SNTB1: variants seen among roughly 807,000 people sequenced by gnomAD.
SNTB1 encodes the protein syntrophin beta 1.
SNTB1 carries 36 observed loss-of-function variants against 48.9 expected under a neutral mutation model. The ratio of observed to expected loss-of-function variants is 0.74; its 90% CI spans 0.56 to 0.97. The LOEUF (loss-of-function observed/expected upper bound fraction) is 0.97. SNTB1 is among the 50% of genes least tolerant of loss of function. The probability of loss-of-function intolerance (pLI) is 0.00; values close to 1 mark genes in which losing one functional copy is unlikely to be tolerated. For missense variants in SNTB1, 786 were observed against 703.4 expected (o/e 1.12, Z -1.33); for synonymous variants, 299 against 294.6 (o/e 1.01, Z -0.15).
intron 2 of SNTB1, among the ~76,000 whole-genome samples, chr8:120,633,423 T>C (rs1316205144): frequency 6.6e-6 from 1 of 152,006 alleles, no homozygotes; most frequent in African/African-American, 2.4e-5. Flanking sequence ...CTAGCCAACA[T>C]GGTGAAACCC....
chr8:120,751,337 G>A (rs1483019393), intron 1 of SNTB1, among the ~76,000 whole-genome samples: 1 of 152,174 alleles, frequency 6.6e-6, no homozygotes, highest in East Asian at 1.9e-4. Flanking sequence ...TTTCTGACAC[G>A]ACAACTGGGT....
intron 4 of SNTB1, among the ~76,000 whole-genome samples, chr8:120,572,714 C>T (rs1398833754): frequency 6.6e-6 from 1 of 151,670 alleles, no homozygotes; most frequent in Non-Finnish European, 1.5e-5. Context: ...CATGGTGAAA[C>T]CCTGTCTCTA....
intron 1 of SNTB1, among the ~76,000 whole-genome samples, chr8:120,810,413 T>C (rs562836410): frequency 1.3e-5 from 2 of 152,262 alleles, no homozygotes; most frequent in South Asian, 2.1e-4. Context: ...CATTCAACAA[T>C]GAGGGGACTG....
chr8:120,644,193 C>G (rs533310231), intron 2 of SNTB1, among the ~76,000 whole-genome samples: 75 of 150,728 alleles, frequency 5.0e-4, no homozygotes, highest in Middle Eastern at 3.5e-3. Context: ...TTAAGTTTTA[C>G]GGTACATGTG....
At chr8:120,671,846 T>C (rs1458929184) in intron 2 of SNTB1, among the ~76,000 whole-genome samples, 1 of 152,218 alleles carries the variant, frequency 6.6e-6, no homozygotes, top group Non-Finnish European at 1.5e-5. Flanking sequence ...GTGGCCTGGA[T>C]GTAGGACTTA....
rs549338093 is a variant in SNTB1 at position 120,563,664 on chromosome 8, C to T, written c.1136+11422G>A. ...AGCAAAGAAATGCATCAACTATGAA[C>T]TCTTTGAGGGCATAACTTGATTTAG... On this transcript the variant is annotated intron_variant, in intron 4 of 6. Transcript: ENST00000517992. 3.7e-4 allele frequency among the ~76,000 whole-genome samples: 57 copies of T among 152,132 alleles called. 2 individuals are homozygous for T. Among genetic ancestry groups the T allele is most frequent in the Non-Finnish European group, 4.4e-5 (3 of 68,026 alleles).
chr8:120,688,014 G>T (rs11995748), intron 2 of SNTB1, among the ~76,000 whole-genome samples: 5 of 152,056 alleles, frequency 3.3e-5, no homozygotes, highest in African/African-American at 1.2e-4. Context: ...CTTAACAGAT[G>T]GCACCTCTCT....
At chr8:120,597,463 A>G (rs1481088685) in intron 3 of SNTB1, among the ~76,000 whole-genome samples, 3 of 152,362 alleles carry the variant, frequency 2.0e-5, no homozygotes, top group Non-Finnish European at 1.5e-5. Flanking sequence ...TGTGATTTGC[A>G]CACTCTTGTT....
chr8:120,592,227 G>A (rs1400369512), intron 3 of SNTB1, among the ~76,000 whole-genome samples: 1 of 152,086 alleles, frequency 6.6e-6, no homozygotes, highest in Admixed American at 6.6e-5. Flanking sequence ...TGTCACCCAG[G>A]CTGGAGTGCA....
intron 3 of SNTB1, among the ~76,000 whole-genome samples, chr8:120,580,422 T>C (rs1272801687): frequency 1.3e-5 from 2 of 152,202 alleles, no homozygotes; most frequent in East Asian, 3.9e-4. Flanking sequence ...CACGTGTCTT[T>C]GAGGATCAAA....
At chr8:120,636,799 A>T (rs569512118) in intron 2 of SNTB1, 1 of 159,260 alleles carries the variant, frequency 6.3e-6, no homozygotes, top group East Asian at 1.9e-4. Context: ...CTAGTTCTAG[A>T]TCCCTGAGGA....
intron 1 of SNTB1, among the ~76,000 whole-genome samples, chr8:120,784,180 G>A (rs190907543): frequency 0.037 from 5,586 of 152,114 alleles, 141 homozygotes; most frequent in South Asian, 0.093. Flanking sequence ...TTTTAGTAGA[G>A]ACAGGGTTTC....
At chr8:120,674,532 A>G (rs1817804957) in intron 2 of SNTB1, among the ~76,000 whole-genome samples, 1 of 152,270 alleles carries the variant, frequency 6.6e-6, no homozygotes, top group African/African-American at 2.4e-5. Context: ...AGCTCATAGC[A>G]CACAGTTGCT....
At position 120,632,663 on chromosome 8, in the gene SNTB1, C is replaced by G; in HGVS notation, c.789-12G>C. ...GGATTTCAAGCTGCCTAGAGGAGCA[C>G]AGAGAGAAGGGTTAGAAAGTTTCCT... On this transcript the variant is annotated splice_polypyrimidine_tract_variant and intron_variant, in intron 2 of 6. Coordinates refer to ENST00000517992, the MANE Select transcript of SNTB1 (RefSeq NM_021021.4). 6.2e-7 allele frequency: 1 copy of G among 1,613,240 alleles called. No homozygotes were observed. Among genetic ancestry groups the G allele is most frequent in the Non-Finnish European group, 8.5e-7 (1 of 1,179,368 alleles).
At chr8:120,559,124 A>G (rs1260240637) in intron 4 of SNTB1, among the ~76,000 whole-genome samples, 2 of 152,232 alleles carry the variant, frequency 1.3e-5, no homozygotes. Context: ...TGTCCACTAC[A>G]TGCTAATTTC....
intron 1 of SNTB1, 130 bp from the exon 2 acceptor site, chr8:120,694,038 A>T (rs1818170886): frequency 1.4e-6 from 1 of 725,008 alleles, no homozygotes; most frequent in African/African-American, 1.8e-5. Context: ...TCTCAACGAG[A>T]TTTTGAATTT....
chr8:120,609,299 T>C (rs990349060), intron 3 of SNTB1, among the ~76,000 whole-genome samples: 2 of 152,226 alleles, frequency 1.3e-5, no homozygotes, highest in Non-Finnish European at 2.9e-5. Flanking sequence ...CCTTCCCTCC[T>C]GTGTTAATGT....
At chr8:120,570,431 G>A (rs1050359014) in intron 4 of SNTB1, 1 of 152,118 alleles carries the variant, frequency 6.6e-6, no homozygotes, top group Non-Finnish European at 1.5e-5. Context: ...AGGTAGAAAA[G>A]GATACGCTAG....
At chr8:120,675,002 A>G (rs185299906) in intron 2 of SNTB1, among the ~76,000 whole-genome samples, 1 of 152,320 alleles carries the variant, frequency 6.6e-6, no homozygotes, top group East Asian at 1.9e-4. Context: ...TCCTTTTCGA[A>G]CAAAGGTATC....
Sources: gnomAD v4.1 joint callset for allele counts (sites outside exome capture counted in the v4.1 genomes callset) on GRCh38, gnomAD v4.1.1 for gene constraint, MANE v1.5 for transcripts, NCBI Gene and HGNC (gene_info 2026-07-23, HGNC 2026-07-21) for gene names.